ROBO1: variants seen among roughly 807,000 people sequenced by gnomAD.
The protein encoded by ROBO1 is roundabout homolog 1.
In ROBO1, 149 loss-of-function variants were observed where a neutral mutation model predicts 195.9. That is an observed-to-expected ratio of 0.76 (90% CI 0.67 to 0.87). ROBO1 has a LOEUF of 0.87. Ranked by LOEUF, ROBO1 falls within the 40% of genes least tolerant of loss-of-function variation. ROBO1 has a pLI of 0.00. For missense variants in ROBO1, 1,933 were observed against 2,068.3 expected, an observed-to-expected ratio of 0.93 and a Z score of 1.27; for synonymous variants, 816 against 733.2, an observed-to-expected ratio of 1.11 and a Z score of -1.82.
intron 2 of ROBO1, among the ~76,000 whole-genome samples, chr3:79,449,271 T>C (rs2039368291): frequency 6.6e-6 from 1 of 151,896 alleles, no homozygotes; most frequent in Non-Finnish European, 1.5e-5. Flanking sequence ...CAGTAATATA[T>C]GTGTAGGGAG....
intron 2 of ROBO1, among the ~76,000 whole-genome samples, chr3:79,379,582 T>C (rs891115466): frequency 6.6e-6 from 1 of 152,216 alleles, no homozygotes. Flanking sequence ...ACTTACCTTG[T>C]GATCTAAAAA....
intron 2 of ROBO1, among the ~76,000 whole-genome samples, chr3:79,321,530 C>G (rs2033980421): frequency 6.6e-6 from 1 of 152,090 alleles, no homozygotes; most frequent in African/African-American, 2.4e-5. Flanking sequence ...GTTCCTTTTC[C>G]TCTTCGTCAT....
At position 78,906,734 on chromosome 3, in the gene ROBO1, T is replaced by C. The variant is rs187996277; in HGVS notation, c.499+31867A>G. Among the ~76,000 whole-genome samples the C allele has an allele frequency of 5.8e-3, 889 of 152,240 alleles. 4 individuals are homozygous for C. The highest frequency in any genetic ancestry group is 9.3e-3 in the Admixed American group (142 of 15,254). On this transcript the variant is annotated intron_variant, in intron 4 of 30. Transcript: ENST00000464233. ...TTACTTAGTTAATTATATTGATATT[T>C]AGCCTGTTTGAAATTAAAATGTAGA...
At chr3:78,714,627 ATAACT>A in intron 7 of ROBO1, 103 bp from the exon 8 acceptor site, 1 of 1,063,324 alleles carries the variant, frequency 9.4e-7, no homozygotes, top group Non-Finnish European at 1.3e-6. Flanking sequence ...TTCTTTTCTG[ATAACT>A]TAAAACAAAG....
At chr3:79,521,965 T>C (rs1941227639) in intron 2 of ROBO1, among the ~76,000 whole-genome samples, 1 of 152,202 alleles carries the variant, frequency 6.6e-6, no homozygotes, top group Non-Finnish European at 1.5e-5. Flanking sequence ...AAATATATGC[T>C]TAACTGTATG....
At chr3:79,603,862 C>T (rs1576101282) in intron 1 of ROBO1, among the ~76,000 whole-genome samples, 1 of 151,900 alleles carries the variant, frequency 6.6e-6, no homozygotes, top group Non-Finnish European at 1.5e-5. Flanking sequence ...GTAGTGGCTG[C>T]TTGTATAGAA....
chr3:79,627,271 C>G (rs1232571577), intron 1 of ROBO1, among the ~76,000 whole-genome samples: 1 of 152,106 alleles, frequency 6.6e-6, no homozygotes, highest in African/African-American at 2.4e-5. Context: ...CTATAGTAAC[C>G]AAAGCAGCAT....
intron 2 of ROBO1, among the ~76,000 whole-genome samples, chr3:79,412,874 ATTTTTT>A (rs1167482550): frequency 0.012 from 445 of 38,158 alleles, 1 homozygote; most frequent in African/African-American, 0.046. Context: ...TCATGAGCTG[ATTTTTT>A]TTTTTTTTTT....
intron 1 of ROBO1, among the ~76,000 whole-genome samples, chr3:79,725,962 C>T (rs1457308724): frequency 6.6e-6 from 1 of 151,850 alleles, no homozygotes; most frequent in Non-Finnish European, 1.5e-5. Flanking sequence ...TGATCTTAAC[C>T]CTAAGTTGTA....
chr3:79,256,105 G>A (rs571772993), intron 2 of ROBO1, among the ~76,000 whole-genome samples: 2 of 152,228 alleles, frequency 1.3e-5, no homozygotes, highest in South Asian at 2.1e-4. Context: ...TTGTTTGACT[G>A]GCTTTTTCCT....
intron 2 of ROBO1, among the ~76,000 whole-genome samples, chr3:79,284,158 T>C (rs989397200): frequency 6.6e-6 from 1 of 151,896 alleles, no homozygotes; most frequent in Non-Finnish European, 1.5e-5. Flanking sequence ...CTTACCCAAT[T>C]TGGCACCCTA....
chr3:79,474,346 G>A (rs1481968624), intron 2 of ROBO1, among the ~76,000 whole-genome samples: 1 of 152,120 alleles, frequency 6.6e-6, no homozygotes, highest in Non-Finnish European at 1.5e-5. Context: ...TGTGAAGCAT[G>A]ATGGCTTTTT....
intron 3 of ROBO1, among the ~76,000 whole-genome samples, chr3:78,962,649 C>T (rs923980312): frequency 1.1e-4 from 17 of 151,846 alleles, no homozygotes; most frequent in African/African-American, 4.1e-4. Context: ...CACGGTGAAA[C>T]CCCGTCTCTA....
intron 4 of ROBO1, among the ~76,000 whole-genome samples, chr3:78,909,529 GCA>G (rs559319721): frequency 1.3e-5 from 2 of 151,822 alleles, no homozygotes; most frequent in South Asian, 4.2e-4. Context: ...AGCATAACAA[GCA>G]TCTTTTATCT....
chr3:79,361,420 AAAG>A (rs1197605812), intron 2 of ROBO1, among the ~76,000 whole-genome samples: 2 of 152,002 alleles, frequency 1.3e-5, no homozygotes, highest in African/African-American at 4.8e-5. Flanking sequence ...TTGTCACTGA[AAAG>A]AAGTGAATAG....
chr3:79,263,801 T>C (rs1016779719), intron 2 of ROBO1, among the ~76,000 whole-genome samples: 1 of 152,100 alleles, frequency 6.6e-6, no homozygotes, highest in African/African-American at 2.4e-5. Context: ...CCCTCCCACT[T>C]AAAACATTAC....
At chr3:79,042,672 A>AT (rs1373469498) in intron 3 of ROBO1, among the ~76,000 whole-genome samples, 1 of 152,198 alleles carries the variant, frequency 6.6e-6, no homozygotes, top group Admixed American at 6.6e-5. Flanking sequence ...GAAACTTTCT[A>AT]TAAGTACAAA....
At chr3:79,196,596 C>T (rs1015587245) in intron 2 of ROBO1, among the ~76,000 whole-genome samples, 1 of 151,568 alleles carries the variant, frequency 6.6e-6, no homozygotes, top group African/African-American at 2.4e-5. Flanking sequence ...TATTGATTGT[C>T]GAAAGCAAAT....
intron 2 of ROBO1, among the ~76,000 whole-genome samples, chr3:79,553,860 G>A (rs996583538): frequency 6.6e-6 from 1 of 152,026 alleles, no homozygotes; most frequent in African/African-American, 2.4e-5. Context: ...AATGGCTGTT[G>A]ATTTCTGGCT....
Sources: allele counts gnomAD v4.1 joint callset (sites outside exome capture counted in the v4.1 genomes callset), GRCh38; gene constraint gnomAD v4.1.1; transcripts MANE v1.5; gene names NCBI Gene and HGNC (gene_info 2026-07-23, HGNC 2026-07-21).